TNXB: variants seen among roughly 807,000 people sequenced by gnomAD.
TNXB encodes tenascin-X.
Under a neutral mutation model 340.5 loss-of-function variants are expected in TNXB, and 183 were observed. That is an observed-to-expected ratio of 0.54 (90% CI 0.48 to 0.61). The LOEUF is 0.61. TNXB is among the 20% of genes least tolerant of loss of function. The pLI, the probability that TNXB is intolerant of heterozygous loss-of-function variation, is 0.00. For synonymous variants in TNXB, 2,121 were observed against 2,314.5 expected (o/e 0.92, Z 2.40); for missense variants, 4,613 against 5,446.4 (o/e 0.85, Z 4.82).
At chr6:32,100,510 A>G (rs1390900970) in intron 1 of TNXB, among the ~76,000 whole-genome samples, 1 of 152,094 alleles carries the variant, frequency 6.6e-6, no homozygotes, top group East Asian at 1.9e-4. Context: ...TGAGGATTGC[A>G]TGAGCCCAGG....
chr6:32,064,946 C>T lies in TNXB; in HGVS notation c.6716G>A (p.Arg2239Gln), dbSNP rs375698113. 6 of 1,612,842 alleles carry T rather than the reference C, an allele frequency of 3.7e-6. No individual in the cohort carries two copies. Among genetic ancestry groups the T allele is most frequent in the Non-Finnish European group, 5.1e-6 (6 of 1,179,882 alleles). The change falls in exon 19 of 44, where the codon CGG becomes CAG. Residue 2239 changes from arginine to glutamine, a missense_variant. Physicochemically the swap from Arg to Gln is conservative, Grantham distance 43. Around this residue, in one of 7 missense-constraint regions of TNXB, gnomAD observed 4,327 missense variants for 4,859.4 expected, o/e 0.89. Coordinates refer to ENST00000644971, the MANE Select transcript of TNXB (RefSeq NM_001365276.2). The surrounding 1 kb of genome is among the most constrained non-coding windows in gnomAD (Gnocchi z 5.3). The part of the protein sequence containing the change: ...KNGDGQPKAV[R>Q]VPGHEDGVTI... ...GACCCCATCCTCGTGTCCCGGCACC[C>T]GCACCGCCTTGGGCTGCCCGTCCCC...
At position 32,074,930 on chromosome 6, in the gene TNXB, T is replaced by G. The variant is rs1218355828; in HGVS notation, c.4376-978A>C. On this transcript the variant is annotated intron_variant, in intron 11 of 43. Transcript: ENST00000644971. The surrounding 1 kb of genome is among the most constrained non-coding windows in gnomAD (Gnocchi z 5.5). Reference sequence around the variant, plus strand: ...CCCGACCTCAGGTGATCCGCCCGCCTCGGCCTCCCCAAGTGCTGGGATTAC... The same window carrying G: ...CCCGACCTCAGGTGATCCGCCCGCCGCGGCCTCCCCAAGTGCTGGGATTAC... Among the ~76,000 whole-genome samples the G allele has an allele frequency of 1.3e-5, 2 of 152,220 alleles. No homozygotes were observed. The highest frequency in any genetic ancestry group is 2.9e-5 in the Non-Finnish European group (2 of 68,018).
intron 21 of TNXB, among the ~76,000 whole-genome samples, chr6:32,060,004 A>G (rs1427303506): frequency 6.6e-6 from 1 of 151,970 alleles, no homozygotes; most frequent in African/African-American, 2.4e-5. Flanking sequence ...CCAATTTCTT[A>G]TGGACTAGAA....
rs11752495 is a variant in TNXB, at chr6:32,062,138, G to T, written c.7168+19C>A. Reference sequence around the variant, plus strand: ...ACCCTCCCATGGCTCCCACCCTGGGGCTCCCATCGTCCACTCACCTGTCAC... The same window carrying T: ...ACCCTCCCATGGCTCCCACCCTGGGTCTCCCATCGTCCACTCACCTGTCAC... On this transcript the variant is annotated intron_variant, in intron 20 of 43. Coordinates refer to ENST00000644971, the MANE Select transcript of TNXB (RefSeq NM_001365276.2). The surrounding 1 kb of genome is among the most constrained non-coding windows in gnomAD (Gnocchi z 4.3). 8,356 of 1,604,262 alleles carry T rather than the reference G, an allele frequency of 5.2e-3. 103 individuals are homozygous for T. The highest frequency in any genetic ancestry group is 0.037 in the East Asian group (1,638 of 44,642).
chr6:32,058,316 G>A lies in TNXB; in HGVS notation c.7567C>T (p.Pro2523Ser), dbSNP rs565577555. The change falls in exon 22 of 44, where the codon CCT becomes TCT. Residue 2523 changes from proline to serine, a missense_variant. Physicochemically the swap from Pro to Ser is moderately conservative, Grantham distance 74. Transcript: ENST00000644971. This position sits in a 1 kb window ranked among gnomAD's most constrained non-coding sequence, Gnocchi z 5.1. ...GTCACTGTCAGCTCCCCCAGGAGAG[G>A]CTCCTCGGGGGGCCCTGGGGCCTCT... ...GTEAPGPPEEPLLGELTVTGS... is the reference protein window; with the variant it reads ...GTEAPGPPEESLLGELTVTGS... 4 of 1,611,808 alleles carry A rather than the reference G, an allele frequency of 2.5e-6. No homozygotes were observed. The South Asian group carries it at 4.4e-5, about 18-fold the overall frequency.
rs1778453178 is a variant in TNXB at position 32,067,643 on chromosome 6, T to G, written c.6544+18A>C. On this transcript the variant is annotated intron_variant, in intron 18 of 43. Transcript: ENST00000644971. The surrounding 1 kb of genome is among the most constrained non-coding windows in gnomAD (Gnocchi z 4.2). ...TTTGCTAAGACCCAACCCAGAGGGC[T>G]CTGCAGTGCACACTCACCCGTGACG... 1 of 1,609,556 alleles carries G rather than the reference T, an allele frequency of 6.2e-7. No individual in the cohort carries two copies. The highest frequency in any genetic ancestry group is 1.7e-5 in the Admixed American group (1 of 59,574).
At chr6:32,093,358 G>A (rs1259985375) in intron 4 of TNXB, 4 of 700,396 alleles carry the variant, frequency 5.7e-6, no homozygotes, top group Non-Finnish European at 1.0e-5. Flanking sequence ...TTAAACAGAA[G>A]AAAAAATTCA....
intron 28 of TNXB, 23 bp from the exon 29 acceptor site, chr6:32,048,673 A>G (rs1277901587): frequency 1.4e-6 from 2 of 1,431,306 alleles, no homozygotes; most frequent in Admixed American, 2.4e-5. Context: ...GAGCAGGCCC[A>G]TGGGTCAGGA....
chr6:32,049,143 C>A lies in TNXB; in HGVS notation c.9757+127G>T, dbSNP rs973631485. On this transcript the variant is annotated intron_variant, in intron 28 of 43. Coordinates refer to ENST00000644971, the MANE Select transcript of TNXB (RefSeq NM_001365276.2). The surrounding 1 kb of genome is among the most constrained non-coding windows in gnomAD (Gnocchi z 4.5). The stretch of plus-strand genomic sequence containing the variant: ...CATGAATCCAAGGATGAGGCAGGAT[C>A]ATTAGCAACATGGGAGAAAAGACAG... 1.5e-6 allele frequency: 2 copies of A among 1,320,842 alleles called. No homozygotes were observed. Among genetic ancestry groups the A allele is most frequent in the African/African-American group, 1.5e-5 (1 of 67,372 alleles). 81.8% of individuals were successfully genotyped at this position (1,320,842 alleles called of 1,614,324 possible).
At position 32,061,593 on chromosome 6, in the gene TNXB, G is replaced by T. The variant is rs753041189; in HGVS notation, c.7296C>A (p.Thr2432=). ...AGGAGTCGAAGCGGCCCTGGGGGAC[G>T]GTCCAGGAGAGGCTCAGCGAGTCAG... ...SSPDSLSLSW[T]VPQGRFDSFT... The change falls in exon 21 of 44, where the codon ACC becomes ACA. Residue 2432 remains threonine, a synonymous_variant. Coordinates refer to ENST00000644971, the MANE Select transcript of TNXB (RefSeq NM_001365276.2). This position sits in a 1 kb window ranked among gnomAD's most constrained non-coding sequence, Gnocchi z 4.4. 1.9e-6 allele frequency: 3 copies of T among 1,613,082 alleles called. No individual in the cohort carries two copies. Among genetic ancestry groups the T allele is most frequent in the East Asian group, 2.2e-5 (1 of 44,886 alleles).
intron 11 of TNXB, chr6:32,078,447 C>CAAAAAAAAAAAAAAAAAAAA (rs755788673): frequency 1.7e-5 from 1 of 57,226 alleles, no homozygotes; most frequent in African/African-American, 7.4e-5. Context: ...GACTCTGTCT[C>CAAAAAAAAAAAAAAAAAAAA]AAAAAAAAAA....
chr6:32,059,476 A>G (rs1777882802), intron 21 of TNXB, among the ~76,000 whole-genome samples: 1 of 137,160 alleles, frequency 7.3e-6, no homozygotes, highest in South Asian at 2.5e-4. Flanking sequence ...AACAATTAAT[A>G]ATAGAGTGTG....
rs9281648 is a variant in TNXB at position 32,067,132 on chromosome 6, G to GAAGAAAGAAAGAAAGAAAGAAAGA, written c.6544+505_6544+528dup. On this transcript the variant is annotated intron_variant, in intron 18 of 43. Coordinates refer to ENST00000644971, the MANE Select transcript of TNXB (RefSeq NM_001365276.2). The surrounding 1 kb of genome is among the most constrained non-coding windows in gnomAD (Gnocchi z 4.2). ...AAGAAAGAGAAAGAAAGAAAGGAAG[G>GAAGAAAGAAAGAAAGAAAGAAAGA]AAGAAAGAAAGAAAGAAAGAAAGAA... is the stretch of plus-strand genomic sequence containing the variant. Among the ~76,000 whole-genome samples the GAAGAAAGAAAGAAAGAAAGAAAGA allele has an allele frequency of 4.2e-3, 497 of 118,056 alleles. 4 individuals are homozygous for GAAGAAAGAAAGAAAGAAAGAAAGA. The highest frequency in any genetic ancestry group is 0.014 in the South Asian group (49 of 3,418). The allele number at this position is 118,056 out of a possible 152,430, so 77.4% of individuals were successfully genotyped here.
chr6:32,098,473 T>C (rs1780543517), intron 1 of TNXB, among the ~76,000 whole-genome samples: 1 of 151,986 alleles, frequency 6.6e-6, no homozygotes, highest in Non-Finnish European at 1.5e-5. Flanking sequence ...TTTGTTTTGT[T>C]TTGTTTTGTT....
In TNXB at chr6:32,045,079, G is replaced by A. The variant is rs1776755601; in HGVS notation, c.10854C>T (p.Thr3618=). 1 of 1,612,690 alleles carries A rather than the reference G, an allele frequency of 6.2e-7. No homozygotes were observed. The highest frequency in any genetic ancestry group is 2.2e-5 in the East Asian group (1 of 44,886). ...KILISGLEPS[T]PYRFLLYGLH... ...GGCCATAGAGGAGGAACCTGTAGGGGGTGCTGGGCTCCAGGCCTGAGATGA... is the reference window on the plus strand; with the variant it reads ...GGCCATAGAGGAGGAACCTGTAGGGAGTGCTGGGCTCCAGGCCTGAGATGA... Residue 3618 remains threonine (T), a synonymous_variant, in exon 32 of 44, where the codon ACC becomes ACT. Coordinates refer to ENST00000644971, the MANE Select transcript of TNXB (RefSeq NM_001365276.2).
At chr6:32,041,639 C>T in intron 43 of TNXB, 132 bp downstream of exon 43, 28 of 1,108,446 alleles carry the variant, frequency 2.5e-5, no homozygotes, top group South Asian at 5.2e-5. Context: ...ACTCCAGCTC[C>T]CTCTGCGAGG....
At position 32,079,399 on chromosome 6, in the gene TNXB, G is replaced by T; in HGVS notation, c.4043-34C>A. The T allele has an allele frequency of 6.5e-7, 1 of 1,530,940 alleles. No individual in the cohort carries two copies. Among genetic ancestry groups the T allele is most frequent in the Non-Finnish European group, 8.9e-7 (1 of 1,129,582 alleles). The allele number at this position is 1,530,940 out of a possible 1,614,324, so 94.8% of individuals were successfully genotyped here. On this transcript the variant is annotated intron_variant, in intron 10 of 43. Coordinates refer to ENST00000644971, the MANE Select transcript of TNXB (RefSeq NM_001365276.2). The surrounding 1 kb of genome is among the most constrained non-coding windows in gnomAD (Gnocchi z 7.1). ...AGAGATAGAGGCATAAAGGGCTGCTGGCTTTGCTGCTGCTGCCCACAGATG... is the reference window on the plus strand; with the variant it reads ...AGAGATAGAGGCATAAAGGGCTGCTTGCTTTGCTGCTGCTGCCCACAGATG...
intron 24 of TNXB, among the ~76,000 whole-genome samples, chr6:32,054,875 T>C (rs1240249319): frequency 1.3e-5 from 2 of 152,222 alleles, no homozygotes; most frequent in Non-Finnish European, 2.9e-5. Flanking sequence ...CGTGGTCCAG[T>C]TGAACAGACA....
intron 22 of TNXB, among the ~76,000 whole-genome samples, chr6:32,057,777 G>A (rs1002690039): frequency 2.0e-5 from 3 of 152,182 alleles, no homozygotes; most frequent in Admixed American, 6.5e-5. Context: ...GGCATGCCTG[G>A]CCTCAGGTCC....
Sources: gnomAD v4.1 joint callset for allele counts (sites outside exome capture counted in the v4.1 genomes callset) on GRCh38, gnomAD v4.1.1 for gene constraint, gnomAD v4.1.1 regional missense constraint, Gnocchi (gnomAD v3.1) non-coding constraint, MANE v1.5 for transcripts, NCBI Gene and HGNC (gene_info 2026-07-23, HGNC 2026-07-21) for gene names.